The following BRI3 variants were observed in gnomAD, a reference collection of about 807,000 sequenced individuals.
BRI3 encodes the protein membrane protein BRI3.
Under a neutral mutation model 12.8 loss-of-function variants are expected in BRI3, and 6 were observed. The observed-to-expected ratio is 0.47, with a 90% CI of 0.26 to 0.93. The LOEUF (loss-of-function observed/expected upper bound fraction) is 0.93, where lower values mean the gene tolerates loss of function less well. Among genes scored for constraint, BRI3 ranks in the 40% least tolerant of loss-of-function variants. The pLI is 0.15. For synonymous variants in BRI3, 91 were observed against 76.1 expected (o/e 1.20, Z -1.02); for missense variants, 134 against 171.1 (o/e 0.78, Z 1.21).
chr7:98,306,395 AG>A, upstream of BRI3: 1 of 1,603,770 alleles, frequency 6.2e-7, no homozygotes, highest in Non-Finnish European at 8.5e-7. Flanking sequence ...ACGACAAGGC[AG>A]GGGTTTCTGT....
chr7:98,291,527 T>C lies in BRI3; in HGVS notation c.*284T>C. On this transcript the variant is annotated 3_prime_UTR_variant, in exon 3 of 3. Transcript: ENST00000297290. The stretch of plus-strand genomic sequence containing the variant: ...CAATAAATGAGATTCATACCATTGT[T>C]GACCTGGTGCTGCTTACTCGGTGCT... 1 of 1,206,584 alleles carries C rather than the reference T, an allele frequency of 8.3e-7. No homozygotes were observed. The highest frequency in any genetic ancestry group is 1.0e-6 in the Non-Finnish European group (1 of 963,680). 74.7% of individuals were successfully genotyped at this position (1,206,584 alleles called of 1,614,324 possible). A position where few individuals can be genotyped will look rare whatever the true frequency, so the allele number is the denominator to read the frequency against.
At chr7:98,306,347 G>A (rs1271725743), upstream of BRI3, 10 of 1,461,002 alleles carry the variant, frequency 6.8e-6, no homozygotes, top group Admixed American at 1.3e-4. Context: ...GCTTAGGGCA[G>A]GGCCTGCGAC....
chr7:98,299,453 C>T (rs573234304), intron 1 of BRI3, among the ~76,000 whole-genome samples: 2 of 152,158 alleles, frequency 1.3e-5, no homozygotes, highest in Admixed American at 1.3e-4. Context: ...CCACCGTGCC[C>T]GGCAGGCTGC....
At chr7:98,308,239 G>A (rs528692516) in exon 2 of BRI3, 20 of 496,468 alleles carry the variant, frequency 4.0e-5, no homozygotes, top group African/African-American at 1.5e-4. Context: ...CCGCTCCAAC[G>A]CCAAACTGCC....
chr7:98,309,971 T>G (rs1353797433), exon 2 of BRI3: 2 of 156,242 alleles, frequency 1.3e-5, no homozygotes, highest in Non-Finnish European at 1.4e-5. Flanking sequence ...TGCCTCAGCC[T>G]CCCGAGTAGC....
At chr7:98,292,694 A>C (rs1445842012), downstream of BRI3, 2 of 1,551,658 alleles carry the variant, frequency 1.3e-6, no homozygotes, top group East Asian at 4.9e-5. Context: ...TACCTGATTC[A>C]AACACGGAGA....
intron 2 of BRI3, among the ~76,000 whole-genome samples, chr7:98,284,992 G>A (rs1398653973): frequency 6.6e-6 from 1 of 152,150 alleles, no homozygotes; most frequent in Non-Finnish European, 1.5e-5. Flanking sequence ...GCTGCGCTGG[G>A]AGGCTCTCCT....
downstream of BRI3, chr7:98,291,586 C>G (rs1443069650): frequency 1.9e-6 from 2 of 1,040,424 alleles, no homozygotes; most frequent in Non-Finnish European, 2.4e-6. Context: ...AACGACACCC[C>G]CATCGCTCCC....
chr7:98,320,830 C>G, the BRI3 span, among the ~76,000 whole-genome samples: 1 of 151,548 alleles, frequency 6.6e-6, no homozygotes, highest in Non-Finnish European at 1.5e-5. Flanking sequence ...AATGCAAACT[C>G]TGTTCAAATT....
intron 2 of BRI3, among the ~76,000 whole-genome samples, chr7:98,287,851 A>G (rs1261319761): frequency 1.3e-5 from 2 of 152,106 alleles, no homozygotes; most frequent in Non-Finnish European, 2.9e-5. Context: ...GCTGCGCCCC[A>G]TGGGCGGGCT....
At chr7:98,286,131 T>A (rs1446773414) in intron 2 of BRI3, among the ~76,000 whole-genome samples, 1 of 152,106 alleles carries the variant, frequency 6.6e-6, no homozygotes, top group African/African-American at 2.4e-5. Flanking sequence ...TGGGTTCAGA[T>A]CCCAGCCACG....
upstream of BRI3, among the ~76,000 whole-genome samples, chr7:98,305,080 G>A (rs1389614270): frequency 2.3e-4 from 29 of 128,348 alleles, no homozygotes; most frequent in South Asian, 5.1e-4. Context: ...TAGTAGAGAC[G>A]GGGTTTCATT....
At chr7:98,282,504 C>A in intron 2 of BRI3, 51 bp downstream of exon 2, 1 of 1,471,268 alleles carries the variant, frequency 6.8e-7, no homozygotes, top group Non-Finnish European at 9.5e-7. Flanking sequence ...TGAGGACCCC[C>A]GCCCTAACCC....
upstream of BRI3, chr7:98,304,135 C>A: frequency 6.8e-7 from 1 of 1,472,040 alleles, no homozygotes; most frequent in Admixed American, 2.5e-5. Context: ...ACAGGACCTG[C>A]GCCTCCCAGT....
chr7:98,313,982 C>CTTTTTTTTT (rs35599338), downstream of BRI3, among the ~76,000 whole-genome samples: 1 of 100,940 alleles, frequency 9.9e-6, no homozygotes, highest in Admixed American at 1.3e-4. Flanking sequence ...CTTTTTCTTC[C>CTTTTTTTTT]TTTTTTTTTT....
the BRI3 span, chr7:98,317,180 C>T: frequency 6.3e-7 from 1 of 1,582,300 alleles, no homozygotes; most frequent in Non-Finnish European, 8.7e-7. Context: ...TGCAAATTGT[C>T]AACAACAAAA....
chr7:98,286,588 A>G (rs1799717734), intron 2 of BRI3, among the ~76,000 whole-genome samples: 2 of 152,070 alleles, frequency 1.3e-5, no homozygotes, highest in Non-Finnish European at 2.9e-5. Context: ...GGCTGTGGGG[A>G]CCGCAGGTGT....
chr7:98,320,337 C>A, the BRI3 span: 24 of 1,486,174 alleles, frequency 1.6e-5, no homozygotes, highest in East Asian at 3.4e-4. Flanking sequence ...GAAGCCATTG[C>A]GTATTTTTTT....
chr7:98,316,503 T>A, the BRI3 span, among the ~76,000 whole-genome samples: 1 of 152,204 alleles, frequency 6.6e-6, no homozygotes, highest in African/African-American at 2.4e-5. Context: ...AGCCTTCAGC[T>A]CTCAGTCAAA....
Sources: allele counts gnomAD v4.1 joint callset (sites outside exome capture counted in the v4.1 genomes callset), GRCh38; gene constraint gnomAD v4.1.1; transcripts MANE v1.5; gene names NCBI Gene and HGNC (gene_info 2026-07-23, HGNC 2026-07-21).